BPTF: variants seen among roughly 807,000 people sequenced by gnomAD.
BPTF encodes the protein bromodomain PHD finger transcription factor.
Under a neutral mutation model 292.5 loss-of-function variants are expected in BPTF, and 18 were observed. The observed-to-expected ratio is 0.06, with a 90% CI of 0.04 to 0.09. The LOEUF (loss-of-function observed/expected upper bound fraction) is 0.09. Ranked by LOEUF, BPTF falls within the 10% of genes least tolerant of loss-of-function variation. BPTF has a pLI of 1.00. For missense variants in BPTF, 2,726 were observed against 3,498.7 expected, an observed-to-expected ratio of 0.78 and a Z score of 5.57; for synonymous variants, 1,225 against 1,251.9, an observed-to-expected ratio of 0.98 and a Z score of 0.45.
intron 1 of BPTF, among the ~76,000 whole-genome samples, chr17:67,834,027 A>G (rs1287886939): frequency 1.3e-5 from 2 of 151,980 alleles, no homozygotes; most frequent in African/African-American, 4.8e-5. Flanking sequence ...TCTCGAATGG[A>G]TCTAGTAATA....
intron 3 of BPTF, among the ~76,000 whole-genome samples, chr17:67,870,857 C>T (rs1412148800): frequency 6.8e-6 from 1 of 147,756 alleles, no homozygotes; most frequent in East Asian, 2.0e-4. Context: ...GCAAGCTCCG[C>T]CTCCCGGGTT....
intron 25 of BPTF, chr17:67,965,701 C>T (rs1323802037): frequency 6.6e-6 from 1 of 151,704 alleles, no homozygotes; most frequent in Non-Finnish European, 1.5e-5. Context: ...GACTCCATCT[C>T]AGAACAAAAA....
chr17:67,844,652 C>T (rs564530072), intron 1 of BPTF, among the ~76,000 whole-genome samples: 5 of 151,758 alleles, frequency 3.3e-5, no homozygotes, highest in South Asian at 4.2e-4. Context: ...CTGCCCATCT[C>T]GGCCTCCCAA....
chr17:67,885,412 T>C (rs2060686361), intron 4 of BPTF, among the ~76,000 whole-genome samples: 2 of 152,100 alleles, frequency 1.3e-5, no homozygotes, highest in African/African-American at 2.4e-5. Flanking sequence ...GGTGAAACCC[T>C]ATCTCTACCA....
At chr17:67,963,332 G>C in intron 24 of BPTF, 1 of 1,527,782 alleles carries the variant, frequency 6.5e-7, no homozygotes, top group Non-Finnish European at 8.7e-7. Flanking sequence ...AATACTTTTA[G>C]GTTCTATATT....
chr17:67,934,870 C>CAAAAAAA lies in BPTF; in HGVS notation c.6259+2864_6259+2870dup, dbSNP rs569120237. 1.5e-3 allele frequency among the ~76,000 whole-genome samples: 139 copies of CAAAAAAA among 91,000 alleles called. 12 individuals carry two copies. Among genetic ancestry groups the CAAAAAAA allele is most frequent in the African/African-American group, 7.3e-3 (127 of 17,440 alleles). 59.7% of individuals were successfully genotyped at this position (91,000 alleles called of 152,430 possible). A position where few individuals can be genotyped will look rare whatever the true frequency, so the allele number is the denominator to read the frequency against. ...CTGAGCAATGAGCGAAACTCTGTCTCAAAAAAAAAAAAAAAAAAAGCATGT... is the reference window on the plus strand; with the variant it reads ...CTGAGCAATGAGCGAAACTCTGTCTCAAAAAAAAAAAAAAAAAAAAAAAAAAGCATGT... On this transcript the variant is annotated intron_variant, in intron 18 of 27. Transcript: ENST00000306378.
At chr17:67,932,700 C>CA (rs1382199773) in intron 18 of BPTF, among the ~76,000 whole-genome samples, 4 of 149,386 alleles carry the variant, frequency 2.7e-5, no homozygotes, top group Admixed American at 2.7e-4. Flanking sequence ...GACCCTGTCT[C>CA]AAAAAAGAAA....
At chr17:67,905,133 G>A (rs1290842608) in intron 9 of BPTF, among the ~76,000 whole-genome samples, 2 of 152,208 alleles carry the variant, frequency 1.3e-5, no homozygotes, top group Non-Finnish European at 2.9e-5. Flanking sequence ...CAGGCAGCCA[G>A]GCGCGGTGGT....
At position 67,928,409 on chromosome 17, in the gene BPTF, A is replaced by G; in HGVS notation, c.5806A>G (p.Thr1936Ala). ...TVIATSTTSP[T>A]SSTTSTISPA... The stretch of plus-strand genomic sequence containing the variant: ...GATTGCAACTTCCACTACTTCCCCA[A>G]CAAGCAGTACAACCAGCACCATCTC... Residue 1936 changes from threonine to alanine, a missense_variant, in exon 16 of 28, where the codon ACA becomes GCA. By Grantham distance (58) the Thr-to-Ala change is moderately conservative. This residue lies in a region of BPTF where 198 missense variants were observed against 277.1 expected (regional missense o/e 0.71). Coordinates refer to ENST00000306378, the MANE Select transcript of BPTF (RefSeq NM_182641.4). The G allele has an allele frequency of 6.2e-7, 1 of 1,614,036 alleles. No individual in the cohort carries two copies. The highest frequency in any genetic ancestry group is 8.5e-7 in the Non-Finnish European group (1 of 1,179,958).
At chr17:67,872,240 G>A (rs12938271) in intron 3 of BPTF, among the ~76,000 whole-genome samples, 1 of 152,160 alleles carries the variant, frequency 6.6e-6, no homozygotes, top group Non-Finnish European at 1.5e-5. Flanking sequence ...TTTGAAATTA[G>A]AATCTTTATA....
At chr17:67,831,538 G>GCGT (rs1175448429) in intron 1 of BPTF, among the ~76,000 whole-genome samples, 1 of 152,116 alleles carries the variant, frequency 6.6e-6, no homozygotes, top group Non-Finnish European at 1.5e-5. Context: ...ATTGAAACAT[G>GCGT]CGTATCACAG....
At chr17:67,926,823 G>A (rs2063944072) in intron 15 of BPTF, among the ~76,000 whole-genome samples, 1 of 151,380 alleles carries the variant, frequency 6.6e-6, no homozygotes, top group Admixed American at 6.6e-5. Flanking sequence ...TTGCAACTTT[G>A]AATTCCTGGC....
intron 2 of BPTF, among the ~76,000 whole-genome samples, chr17:67,856,448 T>C (rs7216221): frequency 0.1 from 15,486 of 152,212 alleles, 2,665 homozygotes; most frequent in African/African-American, 0.35. Context: ...TCCTATTCTT[T>C]GTTTTGGTTT....
chr17:67,846,030 C>T (rs1401830104), intron 1 of BPTF, among the ~76,000 whole-genome samples: 4 of 151,954 alleles, frequency 2.6e-5, no homozygotes, highest in African/African-American at 9.7e-5. Flanking sequence ...TTTCTTTATC[C>T]TGTTTTGCTA....
At chr17:67,981,910 AC>A in intron 27 of BPTF, 2 of 92,566 alleles carry the variant, frequency 2.2e-5, no homozygotes, top group Non-Finnish European at 4.4e-5. Context: ...CACACCTTTC[AC>A]CACAATGGTA....
At chr17:67,927,334 T>G (rs2064002740) in intron 15 of BPTF, among the ~76,000 whole-genome samples, 2 of 152,238 alleles carry the variant, frequency 1.3e-5, no homozygotes, top group South Asian at 4.1e-4. Flanking sequence ...CACACCACTG[T>G]TGATAAGCTG....
intron 23 of BPTF, among the ~76,000 whole-genome samples, chr17:67,949,312 C>G (rs141172973): frequency 6.6e-6 from 1 of 152,138 alleles, no homozygotes; most frequent in Non-Finnish European, 1.5e-5. Flanking sequence ...TTGCAGTGAG[C>G]CTTGATCGCA....
At chr17:67,845,192 G>A (rs2057943176) in intron 1 of BPTF, among the ~76,000 whole-genome samples, 1 of 152,168 alleles carries the variant, frequency 6.6e-6, no homozygotes, top group Non-Finnish European at 1.5e-5. Context: ...AAGGTGACAT[G>A]TGCTAGAATC....
At chr17:67,902,275 CCT>C (rs1568018316) in intron 7 of BPTF, among the ~76,000 whole-genome samples, 1 of 152,138 alleles carries the variant, frequency 6.6e-6, no homozygotes, top group East Asian at 1.9e-4. Flanking sequence ...CCATTCCTGG[CCT>C]CTCTCAGTGA....
Sources: allele counts gnomAD v4.1 joint callset (sites outside exome capture counted in the v4.1 genomes callset), GRCh38; gene constraint gnomAD v4.1.1; regional missense constraint gnomAD v4.1.1; transcripts MANE v1.5; gene names NCBI Gene and HGNC (gene_info 2026-07-23, HGNC 2026-07-21).